KIF26B: variants seen among roughly 807,000 people sequenced by gnomAD.
KIF26B encodes kinesin-like protein KIF26B.
Under a neutral mutation model 151.2 loss-of-function variants are expected in KIF26B, and 63 were observed. The ratio of observed to expected loss-of-function variants is 0.42; its 90% CI spans 0.34 to 0.51. The LOEUF (loss-of-function observed/expected upper bound fraction) is 0.51. Among genes scored for constraint, KIF26B ranks in the 20% least tolerant of loss-of-function variants. The pLI is 0.07. For synonymous variants in KIF26B, 1,357 were observed against 1,262.1 expected, an observed-to-expected ratio of 1.08 and a Z score of -1.59; for missense variants, 2,813 against 2,913.6, an observed-to-expected ratio of 0.97 and a Z score of 0.79.
chr1:245,373,067 A>T (rs1478494783), intron 3 of KIF26B, among the ~76,000 whole-genome samples: 1 of 152,206 alleles, frequency 6.6e-6, no homozygotes, highest in Non-Finnish European at 1.5e-5. Flanking sequence ...AGGCTGAGAG[A>T]TTTGAAGCTT....
intron 4 of KIF26B, among the ~76,000 whole-genome samples, chr1:245,471,127 G>GTATATA (rs1439688743): frequency 6.9e-6 from 1 of 144,890 alleles, no homozygotes; most frequent in Non-Finnish European, 1.5e-5. Flanking sequence ...GTGTGTGTGT[G>GTATATA]TGTGTATATA....
chr1:245,421,059 G>A lies in KIF26B; in HGVS notation c.1166+1314G>A, dbSNP rs1005460894. 5.9e-5 allele frequency among the ~76,000 whole-genome samples: 9 copies of A among 152,288 alleles called. 1 individual carries two copies. The highest frequency in any genetic ancestry group is 6.8e-3 in the Middle Eastern group (2 of 294). On this transcript the variant is annotated intron_variant, in intron 4 of 14. Coordinates refer to ENST00000407071, the MANE Select transcript of KIF26B (RefSeq NM_018012.4). Reference sequence around the variant, plus strand: ...AGTAATAGGAAATATGTATAGGCTGGCCACCCAACAATGGGGACCATTGTG... The same window carrying A: ...AGTAATAGGAAATATGTATAGGCTGACCACCCAACAATGGGGACCATTGTG...
At chr1:245,383,251 A>G (rs1673457486) in intron 3 of KIF26B, among the ~76,000 whole-genome samples, 1 of 152,200 alleles carries the variant, frequency 6.6e-6, no homozygotes, top group Admixed American at 6.5e-5. Context: ...AAACCGAGGC[A>G]TCCCTCACGT....
intron 3 of KIF26B, among the ~76,000 whole-genome samples, chr1:245,379,820 A>C (rs1461874679): frequency 1.3e-5 from 2 of 152,032 alleles, no homozygotes; most frequent in African/African-American, 4.8e-5. Flanking sequence ...AAATCACAAA[A>C]ATTAGCCAGG....
intron 4 of KIF26B, among the ~76,000 whole-genome samples, chr1:245,439,346 C>CAAAAAAAAAAA: frequency 7.6e-6 from 1 of 131,740 alleles, no homozygotes; most frequent in African/African-American, 2.8e-5. Flanking sequence ...GACCCTGTCT[C>CAAAAAAAAAAA]AAAAAAAAAA....
intron 2 of KIF26B, among the ~76,000 whole-genome samples, chr1:245,348,087 C>T (rs1351170055): frequency 1.3e-5 from 2 of 152,216 alleles, no homozygotes; most frequent in Non-Finnish European, 2.9e-5. Context: ...TCATTCCCTC[C>T]TTCCTGGATG....
At chr1:245,392,236 C>G (rs1054119273) in intron 3 of KIF26B, among the ~76,000 whole-genome samples, 1 of 152,186 alleles carries the variant, frequency 6.6e-6, no homozygotes, top group African/African-American at 2.4e-5. Context: ...CCACCCCAAT[C>G]CTACGCCACA....
At chr1:245,372,233 T>C (rs1673145662) in intron 3 of KIF26B, among the ~76,000 whole-genome samples, 1 of 152,130 alleles carries the variant, frequency 6.6e-6, no homozygotes, top group Non-Finnish European at 1.5e-5. Context: ...GCATGCTCCT[T>C]ATGAGAATCT....
At chr1:245,655,087 T>C (rs2044059265) in intron 10 of KIF26B, among the ~76,000 whole-genome samples, 1 of 152,220 alleles carries the variant, frequency 6.6e-6, no homozygotes, top group South Asian at 2.1e-4. Context: ...TCTAAAGAGA[T>C]GGATTGCAAC....
intron 2 of KIF26B, among the ~76,000 whole-genome samples, chr1:245,233,619 G>A (rs974604386): frequency 6.6e-6 from 1 of 152,044 alleles, no homozygotes; most frequent in Non-Finnish European, 1.5e-5. Flanking sequence ...TTTGCCACCT[G>A]CCACTTTTCT....
chr1:245,366,740 C>T (rs1404803709), intron 2 of KIF26B, 94 bp from the exon 3 acceptor site: 17 of 1,188,670 alleles, frequency 1.4e-5, no homozygotes, highest in South Asian at 8.8e-5. Context: ...TCTTTGAGTA[C>T]GTCTCGGGTT....
At chr1:245,588,444 A>G (rs2103134181) in intron 5 of KIF26B, among the ~76,000 whole-genome samples, 1 of 152,178 alleles carries the variant, frequency 6.6e-6, no homozygotes, top group Non-Finnish European at 1.5e-5. Context: ...CTCTGGCGGG[A>G]GGTGGCGGAG....
At chr1:245,187,578 C>G (rs1669021542) in intron 2 of KIF26B, among the ~76,000 whole-genome samples, 1 of 151,952 alleles carries the variant, frequency 6.6e-6, no homozygotes, top group Non-Finnish European at 1.5e-5. Flanking sequence ...TTTCTTTTAA[C>G]CAGCTTGAGA....
intron 4 of KIF26B, among the ~76,000 whole-genome samples, chr1:245,462,342 C>T (rs1191260254): frequency 6.6e-6 from 1 of 152,144 alleles, no homozygotes. Context: ...GCCGCCATTA[C>T]ATATGCACGC....
intron 3 of KIF26B, among the ~76,000 whole-genome samples, chr1:245,390,371 CCATGCCTGGCTAATTT>C (rs1673657221): frequency 6.6e-6 from 1 of 152,052 alleles, no homozygotes; most frequent in South Asian, 2.1e-4. Context: ...GTGCCCGCCA[CCATGCCTGGCTAATTT>C]CTTTGTATTT....
chr1:245,370,310 C>G (rs1182777421), intron 3 of KIF26B, among the ~76,000 whole-genome samples: 1 of 152,000 alleles, frequency 6.6e-6, no homozygotes, highest in Non-Finnish European at 1.5e-5. Context: ...TGAATATTTT[C>G]CACGCTATGG....
In KIF26B at chr1:245,646,233, C is replaced by T; in HGVS notation, c.2211C>T (p.Gly737=). 6.2e-7 allele frequency: 1 copy of T among 1,613,942 alleles called. No individual in the cohort carries two copies. The highest frequency in any genetic ancestry group is 1.1e-5 in the South Asian group (1 of 91,064). Residue 737 remains glycine, a synonymous_variant, in exon 10 of 15, where the codon GGC becomes GGT. Coordinates refer to ENST00000407071, the MANE Select transcript of KIF26B (RefSeq NM_018012.4). ...SGLCLSLSAL[G]NVILALVNGS... ...TGTGTCTCTCGCTGTCTGCTCTGGG[C>T]AATGTCATCCTGGCTCTCGTCAATG...
chr1:245,408,811 C>T (rs1674202852), intron 3 of KIF26B, among the ~76,000 whole-genome samples: 1 of 152,184 alleles, frequency 6.6e-6, no homozygotes, highest in African/African-American at 2.4e-5. Flanking sequence ...CAGGCCTTAT[C>T]TGCTCCAGGG....
intron 2 of KIF26B, among the ~76,000 whole-genome samples, chr1:245,283,634 G>A (rs10924145): frequency 0.59 from 88,504 of 150,942 alleles, 26,235 homozygotes; most frequent in East Asian, 0.7. Flanking sequence ...GTAAAGATAA[G>A]GTTTAAAGAA....
Sources: allele counts gnomAD v4.1 joint callset (sites outside exome capture counted in the v4.1 genomes callset), GRCh38; gene constraint gnomAD v4.1.1; transcripts MANE v1.5; gene names NCBI Gene and HGNC (gene_info 2026-07-23, HGNC 2026-07-21).